TMCO4: variants seen among roughly 807,000 people sequenced by gnomAD.
TMCO4 encodes the protein transmembrane and coiled-coil domains 4, also known as transmembrane and coiled-coil domain-containing protein 4.
In TMCO4, 58 loss-of-function variants were observed where a neutral mutation model predicts 64.7. The observed-to-expected ratio is 0.90, with a 90% confidence interval of 0.73 to 1.12. The LOEUF (loss-of-function observed/expected upper bound fraction) is 1.12, where lower values mean the gene tolerates loss of function less well. TMCO4 is among the 50% of genes most tolerant of loss of function. TMCO4 has a pLI of 0.00. For synonymous variants in TMCO4, 325 were observed against 346.1 expected (o/e 0.94, Z 0.68); for missense variants, 780 against 825.9 (o/e 0.94, Z 0.68).
At chr1:19,796,719 T>C (rs1158328262) in intron 2 of TMCO4, among the ~76,000 whole-genome samples, 1 of 152,022 alleles carries the variant, frequency 6.6e-6, no homozygotes, top group Non-Finnish European at 1.5e-5. Context: ...GGACTACAGG[T>C]GCATGCCACC....
rs1271232350 is a variant in TMCO4 at position 19,739,864 on chromosome 1, AC to A, written c.1138del (p.Val380LeufsTer21). On this transcript the variant is annotated frameshift_variant, in exon 12 of 16. Coordinates refer to ENST00000294543, the MANE Select transcript of TMCO4 (RefSeq NM_181719.7). LOFTEE classifies it high-confidence loss of function. ...WGVCLHRSAE[V>X]GKHLAHILLS... is the part of the protein sequence containing the mutation. ...CAGGATGTGGGCCAGGTGCTTGCCA[AC>A]CTCTGCTGATCGATGGAGACACACC... 8 of 1,613,626 alleles carry A rather than the reference AC, an allele frequency of 5.0e-6. No individual in the cohort carries two copies. The highest frequency in any genetic ancestry group is 2.7e-5 in the African/African-American group (2 of 74,856).
intron 6 of TMCO4, among the ~76,000 whole-genome samples, chr1:19,764,366 G>A (rs894734148): frequency 6.6e-6 from 1 of 152,242 alleles, no homozygotes; most frequent in African/African-American, 2.4e-5. Context: ...AAGGGTCATT[G>A]TGGGGTTTCA....
At chr1:19,721,039 TCTC>T (rs1357190758) in intron 13 of TMCO4, among the ~76,000 whole-genome samples, 1 of 152,196 alleles carries the variant, frequency 6.6e-6, no homozygotes, top group Non-Finnish European at 1.5e-5. Flanking sequence ...GGTGTTTTCT[TCTC>T]CGGTTGGAAT....
chr1:19,723,126 A>T (rs1026844639), intron 13 of TMCO4, among the ~76,000 whole-genome samples: 2 of 152,142 alleles, frequency 1.3e-5, no homozygotes, highest in Admixed American at 6.5e-5. Flanking sequence ...AATGCGTGGG[A>T]CCAGAAGTAT....
chr1:19,700,164 C>T (rs2095262238), intron 14 of TMCO4, among the ~76,000 whole-genome samples: 1 of 152,170 alleles, frequency 6.6e-6, no homozygotes, highest in South Asian at 2.1e-4. Flanking sequence ...CGCAGGTCCT[C>T]CTTCTCAAAC....
intron 13 of TMCO4, among the ~76,000 whole-genome samples, chr1:19,711,977 G>A (rs1304367617): frequency 6.6e-6 from 1 of 151,718 alleles, no homozygotes; most frequent in East Asian, 1.9e-4. Flanking sequence ...TAGTTTTTTT[G>A]GTAGAGACAG....
chr1:19,727,410 C>T (rs1461832317), intron 13 of TMCO4, among the ~76,000 whole-genome samples: 9 of 152,204 alleles, frequency 5.9e-5, no homozygotes, highest in Admixed American at 5.9e-4. Flanking sequence ...CTCTGCAAAA[C>T]CCAACTCATG....
intron 14 of TMCO4, 152 bp from the exon 15 acceptor site, chr1:19,694,703 G>A: frequency 1.5e-6 from 1 of 686,184 alleles, no homozygotes; most frequent in South Asian, 1.8e-5. Context: ...GATGGAAGAT[G>A]AAGCAGCCAC....
chr1:19,723,830 G>A (rs908543971), intron 13 of TMCO4, among the ~76,000 whole-genome samples: 8 of 152,078 alleles, frequency 5.3e-5, no homozygotes, highest in Admixed American at 1.3e-4. Context: ...AGGGTGAAGC[G>A]GGTCACCTGG....
intron 15 of TMCO4, among the ~76,000 whole-genome samples, chr1:19,691,895 C>T (rs1179270937): frequency 1.3e-5 from 2 of 152,198 alleles, no homozygotes; most frequent in African/African-American, 4.8e-5. Context: ...AATACGTCTC[C>T]TGAGATCCAA....
At chr1:19,715,798 T>A (rs1443881309) in intron 13 of TMCO4, among the ~76,000 whole-genome samples, 1 of 152,204 alleles carries the variant, frequency 6.6e-6, no homozygotes, top group Non-Finnish European at 1.5e-5. Context: ...GGTGCTGTGG[T>A]GACCATGTAA....
chr1:19,792,488 T>C (rs74058649), intron 2 of TMCO4, among the ~76,000 whole-genome samples: 4,576 of 152,310 alleles, frequency 0.03, 229 homozygotes, highest in African/African-American at 0.1. Context: ...GCTCCACAAG[T>C]ACCCACAGTA....
intron 11 of TMCO4, 84 bp downstream of exon 11, chr1:19,740,693 T>C (rs12065466): frequency 0.15 from 213,030 of 1,457,938 alleles, 17,283 homozygotes; most frequent in African/African-American, 0.3. Context: ...CCTGGGGGCT[T>C]TGGGCATGCA....
chr1:19,739,729 A>T lies in TMCO4; in HGVS notation c.1179+95T>A, dbSNP rs2095470462. On this transcript the variant is annotated intron_variant, in intron 12 of 15. Coordinates refer to ENST00000294543, the MANE Select transcript of TMCO4 (RefSeq NM_181719.7). ...CCCCAAAACCATTGAGTTATCTCCA[A>T]GTAGCCTTGCCTCTAAGGCTGATAT... The T allele has an allele frequency of 2.6e-6, 4 of 1,516,972 alleles. 1 individual carries two copies. In the South Asian group the frequency reaches 5.2e-5, roughly 20 times the overall value. 94.0% of individuals were successfully genotyped at this position (1,516,972 alleles called of 1,614,324 possible). A position where few individuals can be genotyped will look rare whatever the true frequency, so the allele number is the denominator to read the frequency against.
intron 13 of TMCO4, among the ~76,000 whole-genome samples, chr1:19,721,112 G>A (rs2095380678): frequency 6.6e-6 from 1 of 152,144 alleles, no homozygotes; most frequent in Non-Finnish European, 1.5e-5. Context: ...TTCTGTTGTT[G>A]TTATGGACTG....
At chr1:19,720,313 C>A (rs2095376502) in intron 13 of TMCO4, among the ~76,000 whole-genome samples, 1 of 152,152 alleles carries the variant, frequency 6.6e-6, no homozygotes, top group Non-Finnish European at 1.5e-5. Context: ...CCACTTAATT[C>A]TTTCAATTGT....
intron 2 of TMCO4, among the ~76,000 whole-genome samples, chr1:19,793,131 T>A (rs939280031): frequency 1.3e-5 from 2 of 152,022 alleles, no homozygotes; most frequent in African/African-American, 4.8e-5. Context: ...GTGTGCCGCC[T>A]CTCCCATGCT....
intron 13 of TMCO4, among the ~76,000 whole-genome samples, chr1:19,705,549 AC>A (rs1280706342): frequency 2.6e-5 from 4 of 152,154 alleles, no homozygotes; most frequent in East Asian, 1.9e-4. Context: ...AAAAAAAAAA[AC>A]AACTCATGTT....
chr1:19,786,962 G>A (rs906373218), intron 3 of TMCO4, 64 bp downstream of exon 3: 2 of 152,138 alleles, frequency 1.3e-5, no homozygotes, highest in African/African-American at 4.8e-5. Flanking sequence ...TGTGAACTCA[G>A]AAAGAAGACC....
Sources: allele counts gnomAD v4.1 joint callset (sites outside exome capture counted in the v4.1 genomes callset), GRCh38; gene constraint gnomAD v4.1.1; transcripts MANE v1.5; gene names NCBI Gene and HGNC (gene_info 2026-07-23, HGNC 2026-07-21).